Variants in ABLIM2 observed in about 807,000 individuals in gnomAD.
ABLIM2 encodes actin-binding LIM protein 2.
In ABLIM2, 53 loss-of-function variants were observed where a neutral mutation model predicts 97.7. That is an observed-to-expected ratio of 0.54 (90% confidence interval 0.44 to 0.68). The LOEUF is 0.68. ABLIM2 is among the 30% of genes least tolerant of loss of function. ABLIM2 has a pLI of 0.00. For missense variants in ABLIM2, 835 were observed against 867.2 expected, an observed-to-expected ratio of 0.96 and a Z score of 0.47; for synonymous variants, 361 against 345.8, an observed-to-expected ratio of 1.04 and a Z score of -0.49.
intron 1 of ABLIM2, among the ~76,000 whole-genome samples, chr4:8,115,123 T>C (rs10938690): frequency 0.72 from 108,754 of 152,014 alleles, 39,918 homozygotes; most frequent in South Asian, 0.94. Flanking sequence ...AGGGCTTGTG[T>C]GCAGATGTGT....
chr4:7,998,135 C>T lies in ABLIM2; in HGVS notation c.1619-5208G>A, dbSNP rs1352307043. 2.0e-5 allele frequency among the ~76,000 whole-genome samples: 3 copies of T among 152,212 alleles called. No homozygotes were observed. In the East Asian group the frequency reaches 5.8e-4, roughly 29 times the overall value. On this transcript the variant is annotated intron_variant, in intron 16 of 20. Coordinates refer to ENST00000447017, the MANE Select transcript of ABLIM2 (RefSeq NM_001130083.2). The surrounding 1 kb of genome is among the most constrained non-coding windows in gnomAD (Gnocchi z 6.4). ...ATCTCAGGTGATCTGATCCGTCCTCCTCGGCCTCCCAAAGTGCTGGGATTA... is the reference window on the plus strand; with the variant it reads ...ATCTCAGGTGATCTGATCCGTCCTCTTCGGCCTCCCAAAGTGCTGGGATTA...
intron 9 of ABLIM2, among the ~76,000 whole-genome samples, chr4:8,040,589 C>T (rs1226049899): frequency 4.0e-5 from 6 of 148,816 alleles, no homozygotes; most frequent in African/African-American, 7.4e-5. Context: ...CCAGCCTGGG[C>T]GACAGAGCGA....
In ABLIM2 at chr4:8,083,466, T is replaced by C. The variant is rs780169606; in HGVS notation, c.455-2664A>G. Among the ~76,000 whole-genome samples, 1 of 152,124 alleles carries C rather than the reference T, an allele frequency of 6.6e-6. No individual in the cohort carries two copies. Among genetic ancestry groups the C allele is most frequent in the Non-Finnish European group, 1.5e-5 (1 of 68,006 alleles). On this transcript the variant is annotated intron_variant, in intron 4 of 20. Transcript: ENST00000447017. The surrounding 1 kb of genome is among the most constrained non-coding windows in gnomAD (Gnocchi z 4.6). ...ATCTCCGCCACTCTGCCTCCTACCATATTGGCCGGCGCCCTCCCCTGCCAA... is the reference window on the plus strand; with the variant it reads ...ATCTCCGCCACTCTGCCTCCTACCACATTGGCCGGCGCCCTCCCCTGCCAA...
At position 8,025,244 on chromosome 4, in the gene ABLIM2, C is replaced by T. The variant is rs111613759; in HGVS notation, c.1267+2515G>A. Among the ~76,000 whole-genome samples the T allele has an allele frequency of 3.7e-3, 560 of 152,260 alleles. 3 individuals carry two copies. Among genetic ancestry groups the T allele is most frequent in the Non-Finnish European group, 5.6e-3 (382 of 68,022 alleles). On this transcript the variant is annotated intron_variant, in intron 12 of 20. Transcript: ENST00000447017. ...CGCCTGGCCTCATGTGATTTCTGAACGAAGGGCACTGGCAGGCAATGTGGC... is the reference window on the plus strand; with the variant it reads ...CGCCTGGCCTCATGTGATTTCTGAATGAAGGGCACTGGCAGGCAATGTGGC...
chr4:8,007,890 G>A (rs1762449883), intron 16 of ABLIM2, 169 bp downstream of exon 16: 4 of 1,427,394 alleles, frequency 2.8e-6, no homozygotes, highest in South Asian at 1.6e-5. Flanking sequence ...CCGGCAAACT[G>A]CAAAAGCCCC....
rs1483585331 is a variant in ABLIM2 at position 8,043,766 on chromosome 4, G to T, written c.900+1398C>A. Among the ~76,000 whole-genome samples the T allele has an allele frequency of 6.6e-6, 1 of 152,218 alleles. No homozygotes were observed. The highest frequency in any genetic ancestry group is 1.5e-5 in the Non-Finnish European group (1 of 68,034). On this transcript the variant is annotated intron_variant, in intron 9 of 20. Transcript: ENST00000447017. The surrounding 1 kb of genome is among the most constrained non-coding windows in gnomAD (Gnocchi z 4.8). Reference sequence around the variant, plus strand: ...GACACAGATGATGGTAACAGTAACGGCAGCAAGCGTTTCCCACAGCCTTCT... The same window carrying T: ...GACACAGATGATGGTAACAGTAACGTCAGCAAGCGTTTCCCACAGCCTTCT...
intron 20 of ABLIM2, among the ~76,000 whole-genome samples, chr4:7,977,429 A>G (rs924278485): frequency 1.3e-5 from 2 of 152,240 alleles, no homozygotes; most frequent in African/African-American, 4.8e-5. Context: ...ACACACATGC[A>G]TGCACACAGG....
chr4:7,983,749 C>G (rs1004117812), intron 18 of ABLIM2, among the ~76,000 whole-genome samples, 195 bp from the exon 19 acceptor site: 1 of 152,236 alleles, frequency 6.6e-6, no homozygotes, highest in Non-Finnish European at 1.5e-5. Context: ...GGGCCTCCCC[C>G]GGGAAACCAG....
At position 8,001,216 on chromosome 4, in the gene ABLIM2, A is replaced by G. The variant is rs1003674583; in HGVS notation, c.1618+6843T>C. Among the ~76,000 whole-genome samples, 3 of 152,218 alleles carry G rather than the reference A, an allele frequency of 2.0e-5. No homozygotes were observed. Among genetic ancestry groups the G allele is most frequent in the African/African-American group, 7.2e-5 (3 of 41,454 alleles). ...GGCAGAGCTTCCGGTGTCGGGGCCC[A>G]GGCAGCATTGGAGGAGGACAGAGGA... On this transcript the variant is annotated intron_variant, in intron 16 of 20. Coordinates refer to ENST00000447017, the MANE Select transcript of ABLIM2 (RefSeq NM_001130083.2). The surrounding 1 kb of genome is among the most constrained non-coding windows in gnomAD (Gnocchi z 4.2).
intron 1 of ABLIM2, among the ~76,000 whole-genome samples, chr4:8,139,661 C>CATTA (rs1850676064): frequency 6.6e-6 from 1 of 152,174 alleles, no homozygotes; most frequent in Non-Finnish European, 1.5e-5. Flanking sequence ...TGGGAATATA[C>CATTA]ATTAGTTCCA....
chr4:8,033,108 T>C lies in ABLIM2; in HGVS notation c.1047+3041A>G, dbSNP rs1782003525. The stretch of plus-strand genomic sequence containing the variant: ...AGAGACAGAGGGTGACCAGAAGCCT[T>C]TGGGTTGGAGACGGCTCTGCCGTGG... On this transcript the variant is annotated intron_variant, in intron 10 of 20. Transcript: ENST00000447017. The surrounding 1 kb of genome is among the most constrained non-coding windows in gnomAD (Gnocchi z 4.5). Among the ~76,000 whole-genome samples, 1 of 152,146 alleles carries C rather than the reference T, an allele frequency of 6.6e-6. No homozygotes were observed. Among genetic ancestry groups the C allele is most frequent in the Admixed American group, 6.5e-5 (1 of 15,278 alleles).
At position 7,970,274 on chromosome 4, in the gene ABLIM2, G is replaced by C. The variant is rs1032990137; in HGVS notation, c.1825-3171C>G. Among the ~76,000 whole-genome samples, 2 of 152,132 alleles carry C rather than the reference G, an allele frequency of 1.3e-5. No individual in the cohort carries two copies. Among genetic ancestry groups the C allele is most frequent in the African/African-American group, 4.8e-5 (2 of 41,450 alleles). ...AGTTCAGTGCTGGTGCCTGGGGCAG[G>C]CCTCCCTGTGGCCACATTCCTGCTT... On this transcript the variant is annotated intron_variant, in intron 20 of 20. Coordinates refer to ENST00000447017, the MANE Select transcript of ABLIM2 (RefSeq NM_001130083.2). This position sits in a 1 kb window ranked among gnomAD's most constrained non-coding sequence, Gnocchi z 5.3.
chr4:8,039,233 GGT>G (rs1451866785), intron 9 of ABLIM2, among the ~76,000 whole-genome samples: 1 of 152,138 alleles, frequency 6.6e-6, no homozygotes, highest in Non-Finnish European at 1.5e-5. Flanking sequence ...TGCCTGGCGG[GGT>G]GTGTTTTGCA....
chr4:8,037,710 C>A lies in ABLIM2; in HGVS notation c.901-1415G>T, dbSNP rs1785471564. On this transcript the variant is annotated intron_variant, in intron 9 of 20. Coordinates refer to ENST00000447017, the MANE Select transcript of ABLIM2 (RefSeq NM_001130083.2). ...ATGCCCACACGCACTCACACACATT[C>A]ACATGCTGCCTGCAGCAAAGCACCT... Among the ~76,000 whole-genome samples the A allele has an allele frequency of 2.6e-5, 4 of 152,390 alleles. No homozygotes were observed. The South Asian group carries it at 8.3e-4, about 32-fold the overall frequency.
chr4:8,019,596 A>G lies in ABLIM2; in HGVS notation c.1423+22T>C, dbSNP rs780230597. Reference sequence around the variant, plus strand: ...ACAGGCATGCGGGGCAAACCACAGCAGCGGGAGGAATCCAACCGTACCATG... The same window carrying G: ...ACAGGCATGCGGGGCAAACCACAGCGGCGGGAGGAATCCAACCGTACCATG... On this transcript the variant is annotated intron_variant, in intron 14 of 20. Transcript: ENST00000447017. This position sits in a 1 kb window ranked among gnomAD's most constrained non-coding sequence, Gnocchi z 4.3. 5 of 1,603,994 alleles carry G rather than the reference A, an allele frequency of 3.1e-6. No homozygotes were observed. The highest frequency in any genetic ancestry group is 2.6e-6 in the Non-Finnish European group (3 of 1,175,750).
rs186479681 is a variant in ABLIM2, at chr4:8,148,254, G to A, written c.10+10426C>T. ...CCAGGCAGGTTCTGAAGGGCCCAGTGTGTCTGGAGGGGAGAGGATGAGCTG... is the reference window on the plus strand; with the variant it reads ...CCAGGCAGGTTCTGAAGGGCCCAGTATGTCTGGAGGGGAGAGGATGAGCTG... On this transcript the variant is annotated intron_variant, in intron 1 of 20. Transcript: ENST00000447017. The surrounding 1 kb of genome is among the most constrained non-coding windows in gnomAD (Gnocchi z 6.7). 3.4e-4 allele frequency among the ~76,000 whole-genome samples: 52 copies of A among 152,348 alleles called. No individual in the cohort carries two copies. The highest frequency in any genetic ancestry group is 1.2e-3 in the African/African-American group (50 of 41,590).
At chr4:8,093,050 C>T (rs748559271) in intron 3 of ABLIM2, among the ~76,000 whole-genome samples, 2 of 151,970 alleles carry the variant, frequency 1.3e-5, no homozygotes, top group African/African-American at 2.4e-5. Context: ...GGTTTCACCA[C>T]GTTGGCCAGG....
chr4:8,039,119 T>A (rs1312346552), intron 9 of ABLIM2, among the ~76,000 whole-genome samples: 1 of 152,206 alleles, frequency 6.6e-6, no homozygotes, highest in African/African-American at 2.4e-5. Flanking sequence ...AGGCCCAGGA[T>A]TCATCACTGA....
rs986012669 is a variant in ABLIM2 at position 8,086,468 on chromosome 4, A to G, written c.454+1701T>C. ...GTTCAAGCGATTCTCCTGCCTCGGCATCCTGAGTAGCTGGGACTACAGGTG... is the reference window on the plus strand; with the variant it reads ...GTTCAAGCGATTCTCCTGCCTCGGCGTCCTGAGTAGCTGGGACTACAGGTG... On this transcript the variant is annotated intron_variant, in intron 4 of 20. Transcript: ENST00000447017. Among the ~76,000 whole-genome samples, 20 of 151,370 alleles carry G rather than the reference A, an allele frequency of 1.3e-4. No individual in the cohort carries two copies. In the East Asian group the frequency reaches 3.9e-3, roughly 30 times the overall value.
Sources: allele counts gnomAD v4.1 joint callset (sites outside exome capture counted in the v4.1 genomes callset), GRCh38; gene constraint gnomAD v4.1.1; non-coding constraint Gnocchi (gnomAD v3.1); transcripts MANE v1.5; gene names NCBI Gene and HGNC (gene_info 2026-07-23, HGNC 2026-07-21).